Variants in SRPK2 observed in about 807,000 individuals in gnomAD.
The protein encoded by SRPK2 is SFRS protein kinase 2.
A neutral mutation model predicts 90.8 loss-of-function variants in SRPK2; 21 were observed. That is an observed-to-expected ratio of 0.23 (90% CI 0.16 to 0.33). SRPK2 has a LOEUF of 0.33. Ranked by LOEUF, SRPK2 falls within the 10% of genes least tolerant of loss-of-function variation. The pLI is 1.00. For missense variants in SRPK2, 620 were observed against 869.0 expected (o/e 0.71, Z 3.60); for synonymous variants, 288 against 311.1 (o/e 0.93, Z 0.78).
At chr7:105,274,576 A>G (rs1437331768) in intron 2 of SRPK2, among the ~76,000 whole-genome samples, 1 of 151,920 alleles carries the variant, frequency 6.6e-6, no homozygotes, top group East Asian at 1.9e-4. Flanking sequence ...AAAAAAGTAT[A>G]AAAAGACGGA....
intron 2 of SRPK2, among the ~76,000 whole-genome samples, chr7:105,212,758 G>A (rs1797012597): frequency 6.6e-6 from 1 of 152,194 alleles, no homozygotes; most frequent in Non-Finnish European, 1.5e-5. Flanking sequence ...TGTTAGTCCA[G>A]GACAGAGATG....
At chr7:105,151,794 C>T (rs910290965) in intron 7 of SRPK2, among the ~76,000 whole-genome samples, 3 of 152,120 alleles carry the variant, frequency 2.0e-5, no homozygotes, top group Non-Finnish European at 4.4e-5. Context: ...GAGGTCAAGG[C>T]AGGTGGATCA....
intron 2 of SRPK2, among the ~76,000 whole-genome samples, chr7:105,210,343 G>A (rs1471829406): frequency 1.3e-5 from 2 of 151,970 alleles, no homozygotes; most frequent in Non-Finnish European, 2.9e-5. Flanking sequence ...TCCTCCCTAT[G>A]TCCACCCTAT....
At chr7:105,295,593 G>C (rs1026069972) in intron 2 of SRPK2, among the ~76,000 whole-genome samples, 1 of 152,172 alleles carries the variant, frequency 6.6e-6, no homozygotes, top group Non-Finnish European at 1.5e-5. Context: ...ACAAAAGGTA[G>C]AACAGTAGTT....
At chr7:105,206,043 C>T in intron 2 of SRPK2, 1 of 517,670 alleles carries the variant, frequency 1.9e-6, no homozygotes, top group South Asian at 1.4e-5. Flanking sequence ...ACAATGGATT[C>T]TTGGACTGGA....
At chr7:105,376,199 A>G (rs1009583928) in intron 2 of SRPK2, among the ~76,000 whole-genome samples, 6 of 151,624 alleles carry the variant, frequency 4.0e-5, no homozygotes, top group East Asian at 1.9e-4. Flanking sequence ...GGGTTTCACC[A>G]TGTTAGCCAG....
chr7:105,247,209 C>T (rs1785711597), intron 2 of SRPK2, among the ~76,000 whole-genome samples: 1 of 152,114 alleles, frequency 6.6e-6, no homozygotes, highest in African/African-American at 2.4e-5. Flanking sequence ...AACCATTTTT[C>T]TCTATATACT....
intron 2 of SRPK2, among the ~76,000 whole-genome samples, chr7:105,341,375 AAAAAAAG>A (rs932380480): frequency 3.7e-4 from 19 of 50,880 alleles, no homozygotes; most frequent in African/African-American, 8.0e-4. Context: ...AAAAAAAAAA[AAAAAAAG>A]GGGGAATGTG....
intron 3 of SRPK2, among the ~76,000 whole-genome samples, chr7:105,191,399 G>C (rs1794262361): frequency 6.6e-6 from 1 of 151,900 alleles, no homozygotes. Context: ...AGTGAATCCT[G>C]TCTCTACAAA....
At chr7:105,217,748 A>C (rs1797637231) in intron 2 of SRPK2, among the ~76,000 whole-genome samples, 1 of 152,252 alleles carries the variant, frequency 6.6e-6, no homozygotes. Context: ...AATGAGAAAA[A>C]AATGAGTCTT....
At chr7:105,303,428 G>A (rs1810803604) in intron 2 of SRPK2, among the ~76,000 whole-genome samples, 2 of 151,740 alleles carry the variant, frequency 1.3e-5, no homozygotes, top group South Asian at 4.2e-4. Context: ...AAACCTGCAC[G>A]TTGTGCACAT....
chr7:105,272,806 T>G (rs1419255550), intron 2 of SRPK2, among the ~76,000 whole-genome samples: 1 of 152,212 alleles, frequency 6.6e-6, no homozygotes, highest in Non-Finnish European at 1.5e-5. Flanking sequence ...ACCCATAAAC[T>G]TATAAGCCTA....
At chr7:105,132,401 C>T (rs1490294768) in intron 13 of SRPK2, among the ~76,000 whole-genome samples, 1 of 152,204 alleles carries the variant, frequency 6.6e-6, no homozygotes, top group East Asian at 1.9e-4. Context: ...GGCAGTCTTC[C>T]CCTGGAGATG....
At position 105,244,653 on chromosome 7, in the gene SRPK2, T is replaced by C; in HGVS notation, c.72-40868A>G. 4 of 855,908 alleles carry C rather than the reference T, an allele frequency of 4.7e-6. No homozygotes were observed. In the Admixed American group the frequency reaches 8.0e-5, roughly 17 times the overall value. The allele number at this position is 855,908 out of a possible 1,614,324, so 53.0% of individuals were successfully genotyped here. A position where few individuals can be genotyped will look rare whatever the true frequency, so the allele number is the denominator to read the frequency against. On this transcript the variant is annotated intron_variant, in intron 2 of 15. Transcript: ENST00000393651. ...GGCCGCCTTTGGAGAGCAGCAGCCCTGGCTCTGCGCTACCCTATGGCCGTG... is the reference window on the plus strand; with the variant it reads ...GGCCGCCTTTGGAGAGCAGCAGCCCCGGCTCTGCGCTACCCTATGGCCGTG...
chr7:105,170,967 G>GAAAGAGAAAGAA (rs66735717), intron 3 of SRPK2, among the ~76,000 whole-genome samples: 12 of 74,502 alleles, frequency 1.6e-4, no homozygotes, highest in South Asian at 6.1e-4. Context: ...AAGAAAGAAA[G>GAAAGAGAAAGAA]AGAAAGAAAG....
Position 105,260,298 on chromosome 7 carries a change from GTCA to G in SRPK2, c.72-56516_72-56514del, listed in dbSNP as rs888207272. 1.7e-3 allele frequency among the ~76,000 whole-genome samples: 266 copies of G among 152,282 alleles called. 2 individuals are homozygous for G. The highest frequency in any genetic ancestry group is 1.0e-3 in the Non-Finnish European group (70 of 68,028). ...CATGAAAAAATGCTCATCATCACTG[GTCA>G]TCAGAGAAATGCAAATCAAAACCAC... On this transcript the variant is annotated intron_variant, in intron 2 of 15. Coordinates refer to ENST00000393651, the MANE Select transcript of SRPK2 (RefSeq NM_182692.3).
At chr7:105,364,317 T>A (rs1818768661) in intron 2 of SRPK2, among the ~76,000 whole-genome samples, 1 of 152,054 alleles carries the variant, frequency 6.6e-6, no homozygotes, top group Non-Finnish European at 1.5e-5. Context: ...GTATCTTCAG[T>A]GGTACAACCC....
intron 2 of SRPK2, among the ~76,000 whole-genome samples, chr7:105,374,220 C>T (rs1820040066): frequency 6.6e-6 from 1 of 152,218 alleles, no homozygotes; most frequent in Admixed American, 6.5e-5. Context: ...AGCCACCGCG[C>T]CCAGCCAGTT....
At chr7:105,248,436 T>TAAAAAA (rs56040288) in intron 2 of SRPK2, among the ~76,000 whole-genome samples, 1 of 127,874 alleles carries the variant, frequency 7.8e-6, no homozygotes, top group Non-Finnish European at 1.6e-5. Flanking sequence ...ACAAAAAATT[T>TAAAAAA]AAAAAAAAAA....
Sources: gnomAD v4.1 joint callset for allele counts (sites outside exome capture counted in the v4.1 genomes callset) on GRCh38, gnomAD v4.1.1 for gene constraint, MANE v1.5 for transcripts, NCBI Gene and HGNC (gene_info 2026-07-23, HGNC 2026-07-21) for gene names.